The following ZNF423 variants were observed in gnomAD, a reference collection of about 807,000 sequenced individuals.
The protein encoded by ZNF423 is zinc finger protein 423.
Under a neutral mutation model 95.8 loss-of-function variants are expected in ZNF423, and 12 were observed. The observed-to-expected ratio is 0.13, with a 90% CI of 0.08 to 0.20. The LOEUF (loss-of-function observed/expected upper bound fraction) is 0.20. ZNF423 is among the 10% of genes least tolerant of loss of function. ZNF423 has a pLI of 1.00. For synonymous variants in ZNF423, 749 were observed against 711.9 expected (o/e 1.05, Z -0.83); for missense variants, 1,316 against 1,737.1 (o/e 0.76, Z 4.31).
At chr16:49,501,648 G>C (rs969816076) in intron 7 of ZNF423, among the ~76,000 whole-genome samples, 3 of 152,022 alleles carry the variant, frequency 2.0e-5, no homozygotes, top group African/African-American at 7.2e-5. Context: ...AGAGTGGGTT[G>C]GATAATGAAA....
Position 49,815,899 on chromosome 16 carries a change from T to TAC in ZNF423, c.41-26354_41-26353insGT, listed in dbSNP as rs1322931143. ...AAAAAAAAATATATATATATATATATATATATATATATATATTTTTTTTTT... is the reference window on the plus strand; with the variant it reads ...AAAAAAAAATATATATATATATATATACATATATATATATATATTTTTTTTTT... On this transcript the variant is annotated intron_variant, in intron 1 of 7. Transcript: ENST00000563137. Among the ~76,000 whole-genome samples, 399 of 49,478 alleles carry TAC rather than the reference T, an allele frequency of 8.1e-3. 20 individuals carry two copies. Among genetic ancestry groups the TAC allele is most frequent in the African/African-American group, 0.032 (381 of 11,974 alleles). The allele number at this position is 49,478 out of a possible 152,430, so 32.5% of individuals were successfully genotyped here.
intron 7 of ZNF423, among the ~76,000 whole-genome samples, chr16:49,511,728 C>T (rs919999714): frequency 1.4e-4 from 21 of 152,222 alleles, no homozygotes; most frequent in African/African-American, 4.8e-4. Flanking sequence ...GACACAGCTG[C>T]CTCCAGTAGT....
chr16:49,580,839 A>G (rs989153523), intron 5 of ZNF423, among the ~76,000 whole-genome samples: 1 of 152,192 alleles, frequency 6.6e-6, no homozygotes, highest in Admixed American at 6.5e-5. Context: ...CAGAGAGCCT[A>G]CAGGGTGCTC....
In ZNF423 at chr16:49,627,634, G is replaced by A. The variant is rs529330902; in HGVS notation, c.3517-1380C>T. On this transcript the variant is annotated intron_variant, in intron 4 of 7. Coordinates refer to ENST00000563137, the MANE Select transcript of ZNF423 (RefSeq NM_001379286.1). The stretch of plus-strand genomic sequence containing the variant: ...CCATCCACCCATACTCCATCTACCC[G>A]TCCGTCTCCCCACCCATACATCTAC... Among the ~76,000 whole-genome samples the A allele has an allele frequency of 7.5e-4, 94 of 125,536 alleles. 2 individuals are homozygous for A. Among genetic ancestry groups the A allele is most frequent in the African/African-American group, 2.3e-3 (75 of 32,032 alleles). The allele number at this position is 125,536 out of a possible 152,430, so 82.4% of individuals were successfully genotyped here. A position where few individuals can be genotyped will look rare whatever the true frequency, so the allele number is the denominator to read the frequency against.
chr16:49,514,434 C>G (rs1968046575), intron 7 of ZNF423, among the ~76,000 whole-genome samples: 1 of 152,058 alleles, frequency 6.6e-6, no homozygotes, highest in South Asian at 2.1e-4. Context: ...TGAGGTGGTG[C>G]CGGGAGTAGG....
intron 7 of ZNF423, among the ~76,000 whole-genome samples, chr16:49,493,267 T>C (rs1967043891): frequency 6.6e-6 from 1 of 152,112 alleles, no homozygotes; most frequent in African/African-American, 2.4e-5. Context: ...CAAGCTGCTC[T>C]TTGAGTCCTC....
At chr16:49,763,620 C>A (rs1014523912) in intron 2 of ZNF423, among the ~76,000 whole-genome samples, 3 of 152,138 alleles carry the variant, frequency 2.0e-5, no homozygotes, top group Non-Finnish European at 2.9e-5. Context: ...CACTCCCCAG[C>A]GTCACAGGAA....
chr16:49,789,952 G>A (rs985583978), intron 1 of ZNF423, among the ~76,000 whole-genome samples: 6 of 152,212 alleles, frequency 3.9e-5, no homozygotes, highest in South Asian at 2.1e-4. Context: ...ATGACAGCAC[G>A]TCTGAGCACT....
intron 3 of ZNF423, among the ~76,000 whole-genome samples, chr16:49,686,883 C>T (rs561880071): frequency 6.6e-6 from 1 of 152,106 alleles, no homozygotes; most frequent in South Asian, 2.1e-4. Context: ...ATCATCAGAA[C>T]CTGCGATCCC....
intron 5 of ZNF423, among the ~76,000 whole-genome samples, chr16:49,608,071 C>T (rs1971595882): frequency 1.3e-5 from 2 of 152,184 alleles, no homozygotes; most frequent in South Asian, 4.1e-4. Flanking sequence ...CAGTTATGCC[C>T]CACCTTTGCC....
At chr16:49,582,765 G>A (rs1311937847) in intron 5 of ZNF423, among the ~76,000 whole-genome samples, 1 of 151,856 alleles carries the variant, frequency 6.6e-6, no homozygotes, top group Non-Finnish European at 1.5e-5. Context: ...CATTACTTTT[G>A]GATGAAAAAA....
chr16:49,588,793 G>A (rs1970919568), intron 5 of ZNF423, among the ~76,000 whole-genome samples: 1 of 152,228 alleles, frequency 6.6e-6, no homozygotes, highest in African/African-American at 2.4e-5. Flanking sequence ...TAGGAAAATA[G>A]TGGGAAAGTG....
intron 5 of ZNF423, among the ~76,000 whole-genome samples, chr16:49,538,525 A>G (rs1213003361): frequency 2.0e-5 from 3 of 152,156 alleles, no homozygotes. Flanking sequence ...CCCAGGCTCC[A>G]CAGCCATCAT....
intron 5 of ZNF423, among the ~76,000 whole-genome samples, chr16:49,613,081 T>G (rs1329597275): frequency 6.6e-6 from 1 of 150,772 alleles, no homozygotes; most frequent in Non-Finnish European, 1.5e-5. Flanking sequence ...CTCAAGACAG[T>G]AAAGATGTCA....
At chr16:49,530,289 A>C (rs1259379071) in intron 5 of ZNF423, among the ~76,000 whole-genome samples, 3 of 152,038 alleles carry the variant, frequency 2.0e-5, no homozygotes, top group Non-Finnish European at 4.4e-5. Flanking sequence ...TGCCTAAAGG[A>C]CACCTCCTCA....
At chr16:49,809,143 G>C (rs2034711671) in intron 1 of ZNF423, among the ~76,000 whole-genome samples, 1 of 152,258 alleles carries the variant, frequency 6.6e-6, no homozygotes, top group Admixed American at 6.5e-5. Context: ...ACTTGGTTGT[G>C]TTTATTTAAC....
At chr16:49,706,139 G>A (rs1372644535) in intron 3 of ZNF423, among the ~76,000 whole-genome samples, 1 of 152,124 alleles carries the variant, frequency 6.6e-6, no homozygotes, top group African/African-American at 2.4e-5. Context: ...AATAGGGCCA[G>A]ACATGACCAC....
At chr16:49,523,198 A>C (rs1399366349) in intron 7 of ZNF423, among the ~76,000 whole-genome samples, 1 of 152,128 alleles carries the variant, frequency 6.6e-6, no homozygotes, top group Admixed American at 6.5e-5. Context: ...TCTGGCTTTT[A>C]TGGACAAAAC....
rs1046306931 is a variant in ZNF423, at chr16:49,638,302, T to A, written c.874A>T (p.Thr292Ser). The change falls in exon 4 of 8, where the codon ACC (threonine) becomes TCC (serine). Residue 292 changes from threonine (T) to serine (S), a missense_variant. Around this residue, in one of 6 missense-constraint regions of ZNF423, gnomAD observed 399 missense variants for 478.5 expected, o/e 0.83. Coordinates refer to ENST00000563137, the MANE Select transcript of ZNF423 (RefSeq NM_001379286.1). This position sits in a 1 kb window ranked among gnomAD's most constrained non-coding sequence, Gnocchi z 5.6. ...TTCTCGGACAGCTGCGGGTGGCGGGTGAGCACGTGCTTCTCCAGCTCCTCC... is the reference window on the plus strand; with the variant it reads ...TTCTCGGACAGCTGCGGGTGGCGGGAGAGCACGTGCTTCTCCAGCTCCTCC... Reference protein sequence around the residue: ...QTEELEKHVLTRHPQLSEKAD... With the variant: ...QTEELEKHVLSRHPQLSEKAD... 6.2e-7 allele frequency: 1 copy of A among 1,613,674 alleles called. No homozygotes were observed. Among genetic ancestry groups the A allele is most frequent in the Non-Finnish European group, 8.5e-7 (1 of 1,180,040 alleles).
Sources: gnomAD v4.1 joint callset for allele counts (sites outside exome capture counted in the v4.1 genomes callset) on GRCh38, gnomAD v4.1.1 for gene constraint, gnomAD v4.1.1 regional missense constraint, Gnocchi (gnomAD v3.1) non-coding constraint, MANE v1.5 for transcripts, NCBI Gene and HGNC (gene_info 2026-07-23, HGNC 2026-07-21) for gene names.